CPLANE1: variants seen among roughly 807,000 people sequenced by gnomAD.
CPLANE1 encodes ciliogenesis and planar polarity effector 1.
Under a neutral mutation model 362.5 loss-of-function variants are expected in CPLANE1, and 263 were observed. That is an observed-to-expected ratio of 0.73 (90% CI 0.66 to 0.80). The LOEUF (loss-of-function observed/expected upper bound fraction) is 0.80, where lower values mean the gene tolerates loss of function less well. Ranked by LOEUF, CPLANE1 falls within the 30% of genes least tolerant of loss-of-function variation. The pLI, the probability that CPLANE1 is intolerant of heterozygous loss-of-function variation, is 0.00. For missense variants in CPLANE1, 3,461 were observed against 3,793.4 expected (o/e 0.91, Z 2.30); for synonymous variants, 1,212 against 1,302.6 (o/e 0.93, Z 1.50).
At chr5:37,211,617 T>C (rs1580774018) in intron 16 of CPLANE1, 2 of 853,854 alleles carry the variant, frequency 2.3e-6, no homozygotes, top group East Asian at 2.4e-5. Context: ...AAGTGAAATA[T>C]ATCTGGAAGG....
intron 16 of CPLANE1, chr5:37,210,356 G>A: frequency 8.7e-7 from 1 of 1,145,492 alleles, no homozygotes; most frequent in South Asian, 1.2e-5. Context: ...TTAGGAGACG[G>A]GAGCAGAATA....
chr5:37,158,238 T>C lies in CPLANE1; in HGVS notation c.7798A>G (p.Thr2600Ala), dbSNP rs768154559. 5 of 1,613,842 alleles carry C rather than the reference T, an allele frequency of 3.1e-6. No homozygotes were observed. The Admixed American group carries it at 6.7e-5, about 22-fold the overall frequency. ...AAAACACAAACCAAGTTTGTTACTG[T>C]ATGAGGTATTGAGGGTGACCAAGGT... Reference protein sequence around the residue: ...EKPWSPSIPHTVTNLVGHTYI... With the variant: ...EKPWSPSIPHAVTNLVGHTYI... Residue 2600 changes from threonine (T) to alanine (A), a missense_variant, in exon 39 of 53, where the codon ACA becomes GCA. Around this residue, in one of 2 missense-constraint regions of CPLANE1, gnomAD observed 3,380 missense variants for 3,666.1 expected, o/e 0.92. Transcript: ENST00000651892.
In CPLANE1 at chr5:37,148,177, A is replaced by ATTG. The variant is rs1772310595; in HGVS notation, c.8461+3_8461+4insCAA. ...TCAGCCAGCCCCTATCAGCCCCTAC[A>ATTG]AACCTTCTTCAGAAATGCTAATGGT... On this transcript the variant is annotated splice_donor_region_variant and intron_variant, in intron 43 of 52. Coordinates refer to ENST00000651892, the MANE Select transcript of CPLANE1 (RefSeq NM_001384732.1). 1 of 1,611,092 alleles carries ATTG rather than the reference A, an allele frequency of 6.2e-7. No individual in the cohort carries two copies. Among genetic ancestry groups the ATTG allele is most frequent in the South Asian group, 1.1e-5 (1 of 90,592 alleles).
chr5:37,175,956 A>C lies in CPLANE1; in HGVS notation c.5931T>G (p.His1977Gln), dbSNP rs757095260. 1.9e-5 allele frequency: 31 copies of C among 1,613,436 alleles called. No individual in the cohort carries two copies. Among genetic ancestry groups the C allele is most frequent in the Non-Finnish European group, 2.4e-5 (28 of 1,179,668 alleles). Residue 1977 changes from histidine to glutamine, a missense_variant, in exon 31 of 53, where the codon CAT (histidine) becomes CAG (glutamine). This residue lies in a region of CPLANE1 where 3,380 missense variants were observed against 3,666.1 expected (regional missense o/e 0.92). Transcript: ENST00000651892. ...CTACTTGCATTGATTGAGGAGTGGTATGCCCAGGATGTGAAAAGGCTTCGA... is the reference window on the plus strand; with the variant it reads ...CTACTTGCATTGATTGAGGAGTGGTCTGCCCAGGATGTGAAAAGGCTTCGA... The part of the protein sequence containing the change: ...GMIEAFSHPG[H>Q]TTPQSMQVDT...
chr5:37,108,127 G>C (rs1369951263), intron 52 of CPLANE1, among the ~76,000 whole-genome samples, 166 bp downstream of exon 52: 1 of 152,192 alleles, frequency 6.6e-6, no homozygotes, highest in Non-Finnish European at 1.5e-5. Flanking sequence ...GAAGTACTAA[G>C]CCAAAAGGGA....
chr5:37,190,085 G>A (rs545193561), intron 21 of CPLANE1, among the ~76,000 whole-genome samples: 1 of 152,102 alleles, frequency 6.6e-6, no homozygotes, highest in African/African-American at 2.4e-5. Context: ...AACTTCATAT[G>A]GGTGTGTGCA....
intron 12 of CPLANE1, 24 bp from the exon 13 acceptor site, chr5:37,224,764 TCAAAAG>T: frequency 6.6e-7 from 1 of 1,505,110 alleles, no homozygotes; most frequent in South Asian, 1.2e-5. Flanking sequence ...CAGGTAATTA[TCAAAAG>T]CAAATTTCAG....
At chr5:37,205,292 C>G in intron 18 of CPLANE1, 23 bp downstream of exon 18, 1 of 1,515,392 alleles carries the variant, frequency 6.6e-7, no homozygotes. Context: ...TGACACGAAT[C>G]AGACTATACA....
rs372318347 is a variant in CPLANE1 at position 37,148,267 on chromosome 5, A to G, written c.8375T>C (p.Ile2792Thr). 4 of 1,600,644 alleles carry G rather than the reference A, an allele frequency of 2.5e-6. No individual in the cohort carries two copies. In the African/African-American group the frequency reaches 5.4e-5, roughly 21 times the overall value. The change falls in exon 43 of 53, where the codon ATT becomes ACT. Residue 2792 changes from isoleucine to threonine, a missense_variant and splice_region_variant. By Grantham distance (89) the Ile-to-Thr change is moderately conservative. Around this residue, in one of 2 missense-constraint regions of CPLANE1, gnomAD observed 3,380 missense variants for 3,666.1 expected, o/e 0.92. Transcript: ENST00000651892. The stretch of plus-strand genomic sequence containing the variant: ...GAATTCAATGTGATCCACTGGTCCA[A>G]TCTGTAGAAAAAACACACACAACAA... ...PEMLDLHCDKIGPVDHIEFSS... is the reference protein window; with the variant it reads ...PEMLDLHCDKTGPVDHIEFSS...
intron 12 of CPLANE1, among the ~76,000 whole-genome samples, chr5:37,225,477 C>G (rs1341481773): frequency 6.6e-6 from 1 of 152,148 alleles, no homozygotes; most frequent in Non-Finnish European, 1.5e-5. Context: ...AGTGATCCAC[C>G]CACCTCAGCC....
At chr5:37,140,638 C>T in intron 44 of CPLANE1, 3 of 985,390 alleles carry the variant, frequency 3.0e-6, no homozygotes, top group Non-Finnish European at 3.6e-6. Context: ...TTGAAGGATT[C>T]TCTTCCAATA....
At chr5:37,145,302 A>G (rs1771200634) in intron 43 of CPLANE1, among the ~76,000 whole-genome samples, 1 of 152,184 alleles carries the variant, frequency 6.6e-6, no homozygotes, top group African/African-American at 2.4e-5. Flanking sequence ...GTGAGACTCC[A>G]TCTCAAAAAC....
In CPLANE1 at chr5:37,173,777, T is replaced by A; in HGVS notation, c.6149A>T (p.Asp2050Val). Reference sequence around the variant, plus strand: ...TACCTGAACTAATTTAAACATTTCATCTTGCAGCATCTGCCTAACGGACTC... The same window carrying A: ...TACCTGAACTAATTTAAACATTTCAACTTGCAGCATCTGCCTAACGGACTC... Reference protein sequence around the residue: ...CSESVRQMLQDEMFKLVQLQQ... With the variant: ...CSESVRQMLQVEMFKLVQLQQ... The change falls in exon 32 of 53, where the codon GAT (aspartate) becomes GTT (valine). Residue 2050 changes from aspartate (D) to valine (V), a missense_variant. Transcript: ENST00000651892. The A allele has an allele frequency of 6.2e-7, 1 of 1,614,162 alleles. No individual in the cohort carries two copies. Among genetic ancestry groups the A allele is most frequent in the African/African-American group, 1.3e-5 (1 of 75,048 alleles).
In CPLANE1 at chr5:37,214,383, G is replaced by T. The variant is rs542517935; in HGVS notation, c.2747-651C>A. On this transcript the variant is annotated intron_variant, in intron 15 of 52. Coordinates refer to ENST00000651892, the MANE Select transcript of CPLANE1 (RefSeq NM_001384732.1). ...CCAGCTATTCAGGGTGCTGAGGTAG[G>T]AGGATCGCTTGAGTCTAGGAGGCGG... Among the ~76,000 whole-genome samples, 10 of 152,208 alleles carry T rather than the reference G, an allele frequency of 6.6e-5. No homozygotes were observed. In the South Asian group the frequency reaches 2.1e-3, roughly 32 times the overall value.
At chr5:37,215,610 A>C (rs1338340431) in intron 15 of CPLANE1, among the ~76,000 whole-genome samples, 1 of 152,096 alleles carries the variant, frequency 6.6e-6, no homozygotes, top group African/African-American at 2.4e-5. Flanking sequence ...ATGTGCACAT[A>C]CACCTAAGAA....
chr5:37,127,839 T>G (rs960683091), intron 46 of CPLANE1, among the ~76,000 whole-genome samples: 2 of 152,032 alleles, frequency 1.3e-5, no homozygotes, highest in Non-Finnish European at 2.9e-5. Flanking sequence ...ATTTATTTAT[T>G]TATTTATTTA....
chr5:37,150,962 C>A (rs1357435017), intron 42 of CPLANE1, among the ~76,000 whole-genome samples: 1 of 152,142 alleles, frequency 6.6e-6, no homozygotes, highest in African/African-American at 2.4e-5. Flanking sequence ...TCCTTGTTCC[C>A]AGGCTTATCC....
rs541080484 is a variant in CPLANE1, at chr5:37,244,252, T to C, written c.570+123A>G. On this transcript the variant is annotated intron_variant, in intron 5 of 52. Transcript: ENST00000651892. ...AAATGTGACCCAAGAAATATAAAAA[T>C]ATCTTTTCCATACAAGAATTTCACA... The C allele has an allele frequency of 3.5e-5, 21 of 603,066 alleles. 1 individual carries two copies. The South Asian group carries it at 6.5e-4, about 19-fold the overall frequency. 37.4% of individuals were successfully genotyped at this position (603,066 alleles called of 1,614,324 possible).
intron 23 of CPLANE1, 122 bp from the exon 24 acceptor site, chr5:37,186,516 C>T: frequency 1.7e-6 from 1 of 605,946 alleles, no homozygotes; most frequent in Non-Finnish European, 3.0e-6. Context: ...CTTTTGAAGT[C>T]AGGTCAAAGC....
Sources: allele counts gnomAD v4.1 joint callset (sites outside exome capture counted in the v4.1 genomes callset), GRCh38; gene constraint gnomAD v4.1.1; regional missense constraint gnomAD v4.1.1; transcripts MANE v1.5; gene names NCBI Gene and HGNC (gene_info 2026-07-23, HGNC 2026-07-21).